The following CLEC12B variants were observed in gnomAD, a reference collection of about 807,000 sequenced individuals.
The protein encoded by CLEC12B is macrophage antigen h.
Under a neutral mutation model 36.1 loss-of-function variants are expected in CLEC12B, and 25 were observed. The observed-to-expected ratio is 0.69, with a 90% CI of 0.50 to 0.97. The LOEUF (loss-of-function observed/expected upper bound fraction) is 0.97. Ranked by LOEUF, CLEC12B falls within the 50% of genes least tolerant of loss-of-function variation. The pLI is 0.00. For missense variants in CLEC12B, 325 were observed against 318.4 expected, an observed-to-expected ratio of 1.02 and a Z score of -0.16; for synonymous variants, 110 against 108.5, an observed-to-expected ratio of 1.01 and a Z score of -0.09.
chr12:10,018,272 C>G, intron 5 of CLEC12B, 59 bp from the exon 6 acceptor site: 1 of 1,076,164 alleles, frequency 9.3e-7, no homozygotes, highest in Non-Finnish European at 1.3e-6. Context: ...ACTGAGGGCA[C>G]TAAATAGTGA....
At chr12:10,008,990 C>A (rs892989526), upstream of CLEC12B, among the ~76,000 whole-genome samples, 1 of 152,030 alleles carries the variant, frequency 6.6e-6, no homozygotes, top group African/African-American at 2.4e-5. Flanking sequence ...ATCAGTGCCA[C>A]GTAAAACGCA....
intron 2 of CLEC12B, among the ~76,000 whole-genome samples, chr12:10,014,030 A>G (rs956705118): frequency 3.3e-5 from 5 of 152,218 alleles, no homozygotes; most frequent in African/African-American, 1.2e-4. Context: ...AATGCTTATG[A>G]AAAGGGCATA....
chr12:10,015,226 A>G, intron 3 of CLEC12B, 26 bp from the exon 4 acceptor site: 1 of 1,592,642 alleles, frequency 6.3e-7, no homozygotes, highest in Non-Finnish European at 8.6e-7. Flanking sequence ...TTCAGTTTAT[A>G]TTATTGGGTA....
chr12:10,009,837 C>T (rs1865281315), upstream of CLEC12B, among the ~76,000 whole-genome samples: 1 of 152,172 alleles, frequency 6.6e-6, no homozygotes, highest in South Asian at 2.1e-4. Flanking sequence ...TATTCTGCCT[C>T]TCCCCAAAGG....
At chr12:10,009,956 C>T (rs755331558), upstream of CLEC12B, among the ~76,000 whole-genome samples, 7 of 152,160 alleles carry the variant, frequency 4.6e-5, no homozygotes, top group Non-Finnish European at 8.8e-5. Flanking sequence ...CAAATTACCA[C>T]AGATGTATTA....
intron 1 of CLEC12B, among the ~76,000 whole-genome samples, chr12:10,011,893 A>C (rs1195888319): frequency 6.6e-6 from 1 of 152,216 alleles, no homozygotes; most frequent in Non-Finnish European, 1.5e-5. Context: ...GTGAGGAAAA[A>C]GGAGGTGTGG....
chr12:10,015,416 A>C lies in CLEC12B; in HGVS notation c.564+10A>C. On this transcript the variant is annotated intron_variant, in intron 4 of 5. Coordinates refer to ENST00000338896, the MANE Select transcript of CLEC12B (RefSeq NM_001129998.3). The stretch of plus-strand genomic sequence containing the variant: ...CAGTTTGGAAGAAAAGGTAGGATTG[A>C]GTCTCATTCTCTAGTTATAGACATT... The C allele has an allele frequency of 6.2e-7, 1 of 1,608,384 alleles. No individual in the cohort carries two copies. The highest frequency in any genetic ancestry group is 8.5e-7 in the Non-Finnish European group (1 of 1,177,658).
At chr12:10,010,200 T>TCACACACA (rs3053772), upstream of CLEC12B, among the ~76,000 whole-genome samples, 420 of 145,910 alleles carry the variant, frequency 2.9e-3, no homozygotes, top group Middle Eastern at 0.01. Context: ...TGTCTCTCTC[T>TCACACACA]CACACACACA....
upstream of CLEC12B, among the ~76,000 whole-genome samples, chr12:10,008,938 A>G (rs1812366175): frequency 6.6e-6 from 1 of 152,214 alleles, no homozygotes; most frequent in African/African-American, 2.4e-5. Context: ...GTGGGGACTC[A>G]GGGAACTTTC....
upstream of CLEC12B, among the ~76,000 whole-genome samples, chr12:10,008,928 GT>G (rs1282982631): frequency 7.9e-5 from 12 of 152,194 alleles, no homozygotes; most frequent in African/African-American, 2.9e-4. Context: ...CCTGAATCGA[GT>G]GGGGACTCAG....
At chr12:10,012,606 G>C (rs1274173989) in intron 1 of CLEC12B, among the ~76,000 whole-genome samples, 179 bp from the exon 2 acceptor site, 1 of 152,146 alleles carries the variant, frequency 6.6e-6, no homozygotes, top group African/African-American at 2.4e-5. Flanking sequence ...AAATGGAGGG[G>C]AAACAAGGAT....
At position 10,018,588 on chromosome 12, in the gene CLEC12B, G is replaced by A. The variant is rs933759685; in HGVS notation, c.*107G>A. 3.5e-6 allele frequency: 3 copies of A among 849,304 alleles called. No individual in the cohort carries two copies. The African/African-American group carries it at 5.2e-5, about 15-fold the overall frequency. 52.6% of individuals were successfully genotyped at this position (849,304 alleles called of 1,614,324 possible). ...CCAAACCAGCTTTTAAAATGACTGT[G>A]TATTTACATTATCAGACAAATGAAC... On this transcript the variant is annotated 3_prime_UTR_variant, in exon 6 of 6. Transcript: ENST00000338896.
chr12:10,010,667 C>T lies in CLEC12B; in HGVS notation c.-93C>T, dbSNP rs549457320. The T allele has an allele frequency of 5.5e-4, 419 of 759,336 alleles. 6 individuals are homozygous for T. In the South Asian group the frequency reaches 5.6e-3, roughly 10 times the overall value. 47.0% of individuals were successfully genotyped at this position (759,336 alleles called of 1,614,324 possible). A position where few individuals can be genotyped will look rare whatever the true frequency, so the allele number is the denominator to read the frequency against. On this transcript the variant is annotated 5_prime_UTR_variant, in exon 1 of 6. Coordinates refer to ENST00000338896, the MANE Select transcript of CLEC12B (RefSeq NM_001129998.3). ...GTCTGGGTCAGCTGAGTGACTACAT[C>T]AAAGCTCCCAGCCTTGAAAAACACA...
At chr12:10,015,579 C>T (rs577474028) in intron 4 of CLEC12B, 33 bp from the exon 5 acceptor site, 13 of 1,612,510 alleles carry the variant, frequency 8.1e-6, no homozygotes, top group African/African-American at 1.3e-5. Context: ...ATGTGGCGCT[C>T]ACGTAAAACT....
rs1340727510 is a variant in CLEC12B, at chr12:10,015,577, C to T, written c.565-35C>T. 3 of 1,612,432 alleles carry T rather than the reference C, an allele frequency of 1.9e-6. No homozygotes were observed. In the East Asian group the frequency reaches 6.7e-5, roughly 36 times the overall value. ...TAACTCTGCAAACTGGAATGTGGCG[C>T]TCACGTAAAACTTTTTCTCTGTTTT... On this transcript the variant is annotated intron_variant, in intron 4 of 5. Coordinates refer to ENST00000338896, the MANE Select transcript of CLEC12B (RefSeq NM_001129998.3).
At chr12:10,007,801 T>C (rs76171632), upstream of CLEC12B, among the ~76,000 whole-genome samples, 4,216 of 152,274 alleles carry the variant, frequency 0.028, 129 homozygotes, top group African/African-American at 0.06. Context: ...ATGCTTATGA[T>C]GAATGAAGAG....
chr12:10,010,532 A>G, upstream of CLEC12B: 1 of 356,102 alleles, frequency 2.8e-6, no homozygotes, highest in Non-Finnish European at 5.3e-6. Context: ...ACAGTTTGAG[A>G]TCTGTAACAT....
At chr12:10,015,800 A>C in intron 5 of CLEC12B, 73 bp downstream of exon 5, 1 of 1,599,502 alleles carries the variant, frequency 6.3e-7, no homozygotes, top group Non-Finnish European at 8.5e-7. Flanking sequence ...TGATTGTGAG[A>C]ATTATAAATA....
chr12:10,007,414 G>A (rs576980248), upstream of CLEC12B, among the ~76,000 whole-genome samples: 2 of 152,160 alleles, frequency 1.3e-5, no homozygotes, highest in Non-Finnish European at 1.5e-5. Flanking sequence ...GATCTTAGAT[G>A]AGTAGTACAA....
Sources: allele counts gnomAD v4.1 joint callset (sites outside exome capture counted in the v4.1 genomes callset), GRCh38; gene constraint gnomAD v4.1.1; transcripts MANE v1.5; gene names NCBI Gene and HGNC (gene_info 2026-07-23, HGNC 2026-07-21).